The following ZC3H7A variants were observed in gnomAD, a reference collection of about 807,000 sequenced individuals.
ZC3H7A encodes zinc finger CCCH-type containing 7A.
ZC3H7A carries 44 observed loss-of-function variants against 125.5 expected under a neutral mutation model. The observed-to-expected ratio is 0.35, with a 90% CI of 0.28 to 0.45. The LOEUF is 0.45. Ranked by LOEUF, ZC3H7A falls within the 20% of genes least tolerant of loss-of-function variation. The pLI is 1.00. For missense variants in ZC3H7A, 977 were observed against 1,170.7 expected, an observed-to-expected ratio of 0.83 and a Z score of 2.41; for synonymous variants, 399 against 391.2, an observed-to-expected ratio of 1.02 and a Z score of -0.23.
intron 16 of ZC3H7A, 51 bp from the exon 17 acceptor site, chr16:11,762,798 C>T: frequency 1.3e-6 from 2 of 1,581,164 alleles, no homozygotes; most frequent in Non-Finnish European, 1.7e-6. Flanking sequence ...GAACAACAGC[C>T]CACCAATCTG....
chr16:11,792,382 A>C (rs1243961741), intron 1 of ZC3H7A, among the ~76,000 whole-genome samples: 1 of 152,000 alleles, frequency 6.6e-6, no homozygotes, highest in Non-Finnish European at 1.5e-5. Context: ...GATCTTCAGA[A>C]CTCCCTTACT....
Position 11,784,669 on chromosome 16 carries a change from A to G in ZC3H7A, c.-34-2281T>C, listed in dbSNP as rs1303944000. Among the ~76,000 whole-genome samples the G allele has an allele frequency of 3.3e-5, 5 of 152,140 alleles. No homozygotes were observed. In the South Asian group the frequency reaches 8.3e-4, roughly 25 times the overall value. On this transcript the variant is annotated intron_variant, in intron 1 of 22. Transcript: ENST00000355758. Reference sequence around the variant, plus strand: ...CAGGAGTTCCAGAGCAGCCTGACCAATATGGAGAAACCCCACCTCTACTGA... The same window carrying G: ...CAGGAGTTCCAGAGCAGCCTGACCAGTATGGAGAAACCCCACCTCTACTGA...
At chr16:11,766,258 G>T (rs530156047) in intron 13 of ZC3H7A, among the ~76,000 whole-genome samples, 23 of 152,300 alleles carry the variant, frequency 1.5e-4, no homozygotes, top group Non-Finnish European at 1.0e-4. Flanking sequence ...GTTTGAGACA[G>T]TCTTCTGTTT....
chr16:11,788,173 C>T (rs2053288049), intron 1 of ZC3H7A, among the ~76,000 whole-genome samples: 1 of 152,134 alleles, frequency 6.6e-6, no homozygotes. Context: ...GGGCCCCTCC[C>T]TTCAACTTCC....
intron 9 of ZC3H7A, among the ~76,000 whole-genome samples, chr16:11,772,122 G>A (rs908808772): frequency 2.0e-5 from 3 of 151,906 alleles, no homozygotes; most frequent in Non-Finnish European, 2.9e-5. Flanking sequence ...TTGAACCTGG[G>A]AGGTGGAGGT....
In ZC3H7A at chr16:11,770,885, C is replaced by T. The variant is rs1196775951; in HGVS notation, c.1006G>A (p.Ala336Thr). 1 of 1,614,122 alleles carries T rather than the reference C, an allele frequency of 6.2e-7. No individual in the cohort carries two copies. The highest frequency in any genetic ancestry group is 1.7e-5 in the Admixed American group (1 of 60,030). ...AATTCTGAGAAGGAGGGTGGAGGAG[C>T]ATACCTCGCACCAATGGGTAAGGTT... is the stretch of plus-strand genomic sequence containing the variant. ...LGTLPIGARY[A>T]PPPSFSEFYP... The change falls in exon 10 of 23, where the codon GCT becomes ACT. Residue 336 changes from alanine to threonine, a missense_variant. Physicochemically the swap from Ala to Thr is moderately conservative, Grantham distance 58. Around this residue, in one of 3 missense-constraint regions of ZC3H7A, gnomAD observed 342 missense variants for 311.3 expected, o/e 1.10. Coordinates refer to ENST00000355758, the MANE Select transcript of ZC3H7A (RefSeq NM_014153.4).
In ZC3H7A at chr16:11,765,711, A is replaced by G; in HGVS notation, c.1523-26T>C. The G allele has an allele frequency of 6.3e-7, 1 of 1,598,226 alleles. No homozygotes were observed. Among genetic ancestry groups the G allele is most frequent in the Non-Finnish European group, 8.5e-7 (1 of 1,170,286 alleles). ...CTAGAAAGACAGGGAATGGACAGAC[A>G]TTGAAAACATGGCAATTGGCCTGTA... On this transcript the variant is annotated intron_variant, in intron 13 of 22. Transcript: ENST00000355758. The surrounding 1 kb of genome is among the most constrained non-coding windows in gnomAD (Gnocchi z 4.8).
chr16:11,793,756 C>G (rs1352602488), intron 1 of ZC3H7A, among the ~76,000 whole-genome samples: 2 of 152,108 alleles, frequency 1.3e-5, no homozygotes, highest in Non-Finnish European at 2.9e-5. Flanking sequence ...GGCTGCAAAC[C>G]CAGATGATAA....
At chr16:11,777,362 G>C (rs2053098180) in intron 4 of ZC3H7A, among the ~76,000 whole-genome samples, 1 of 152,188 alleles carries the variant, frequency 6.6e-6, no homozygotes, top group Non-Finnish European at 1.5e-5. Flanking sequence ...AAAGAGCTAG[G>C]TGACAACACG....
intron 1 of ZC3H7A, among the ~76,000 whole-genome samples, chr16:11,793,838 T>C (rs1338792819): frequency 3.3e-5 from 5 of 152,120 alleles, no homozygotes; most frequent in African/African-American, 1.2e-4. Context: ...AAAAGGAAAA[T>C]TTCATGAGAG....
intron 2 of ZC3H7A, among the ~76,000 whole-genome samples, chr16:11,782,017 T>A (rs1423766349): frequency 6.6e-6 from 1 of 152,196 alleles, no homozygotes; most frequent in Non-Finnish European, 1.5e-5. Flanking sequence ...TCAGCAGCAC[T>A]GTTCATAGAA....
intron 9 of ZC3H7A, among the ~76,000 whole-genome samples, chr16:11,773,667 G>A (rs1249781241): frequency 6.6e-6 from 1 of 151,770 alleles, no homozygotes; most frequent in Non-Finnish European, 1.5e-5. Flanking sequence ...TGGATCACGA[G>A]GTCAGGAGAT....
At chr16:11,766,537 G>C (rs538608985) in intron 13 of ZC3H7A, among the ~76,000 whole-genome samples, 31 of 152,322 alleles carry the variant, frequency 2.0e-4, no homozygotes, top group African/African-American at 7.2e-4. Context: ...GTGCACCCCA[G>C]CCTGGGAGAC....
At position 11,774,977 on chromosome 16, in the gene ZC3H7A, T is replaced by C. The variant is rs746054319; in HGVS notation, c.619+3A>G. ...ATTGTTAAGATGATATGTGAAAACA[T>C]ACCTGGCTCAATATCTTCCACAGAA... On this transcript the variant is annotated splice_donor_region_variant and intron_variant, in intron 8 of 22. Transcript: ENST00000355758. The C allele has an allele frequency of 1.6e-5, 26 of 1,614,038 alleles. No homozygotes were observed. The East Asian group carries it at 1.8e-4, about 11-fold the overall frequency.
At chr16:11,790,314 G>A (rs1032942473) in intron 1 of ZC3H7A, among the ~76,000 whole-genome samples, 1 of 152,122 alleles carries the variant, frequency 6.6e-6, no homozygotes, top group Non-Finnish European at 1.5e-5. Flanking sequence ...CATTAGCAAG[G>A]CTCAGCGTCC....
rs772293041 is a variant in ZC3H7A at position 11,763,560 on chromosome 16, C to G, written c.1920G>C (p.Arg640=). The G allele has an allele frequency of 4.3e-6, 7 of 1,611,612 alleles. No individual in the cohort carries two copies. The South Asian group carries it at 6.6e-5, about 15-fold the overall frequency. ...ACTCATCTTCCCTTAAACAGCCATA[C>G]CGAACTTCATGTCGACATAAATCAA... ...CQLDLCRHEV[R]YGCLREDECF... Residue 640 remains arginine (R), a synonymous_variant, in exon 16 of 23, where the codon CGG becomes CGC. Transcript: ENST00000355758.
At position 11,770,985 on chromosome 16, in the gene ZC3H7A, C is replaced by T. The variant is rs1357740720; in HGVS notation, c.906G>A (p.Pro302=). 4.4e-6 allele frequency: 7 copies of T among 1,591,264 alleles called. No homozygotes were observed. Among genetic ancestry groups the T allele is most frequent in the African/African-American group, 4.1e-5 (3 of 73,804 alleles). ...SAPETNETVM[P]SALVRGPLQT... ...GAAGGGGTCCTCTGACTAAAGCTGA[C>T]GGCTGCGGAAGAAAAAAAGATGTGA... Residue 302 remains proline (P), a splice_region_variant and synonymous_variant, in exon 10 of 23, where the codon CCG becomes CCA. Transcript: ENST00000355758.
intron 2 of ZC3H7A, 30 bp from the exon 3 acceptor site, chr16:11,781,494 T>TATC: frequency 6.2e-7 from 1 of 1,600,466 alleles, no homozygotes; most frequent in Non-Finnish European, 8.5e-7. Flanking sequence ...TAACTGTAAT[T>TATC]ATCAAGCTCC....
intron 16 of ZC3H7A, 84 bp downstream of exon 16, chr16:11,763,394 C>A: frequency 7.2e-7 from 1 of 1,393,692 alleles, no homozygotes; most frequent in South Asian, 1.5e-5. Flanking sequence ...CAGGCATGAG[C>A]CACCACGCCA....
Sources: gnomAD v4.1 joint callset for allele counts (sites outside exome capture counted in the v4.1 genomes callset) on GRCh38, gnomAD v4.1.1 for gene constraint, gnomAD v4.1.1 regional missense constraint, Gnocchi (gnomAD v3.1) non-coding constraint, MANE v1.5 for transcripts, NCBI Gene and HGNC (gene_info 2026-07-23, HGNC 2026-07-21) for gene names.